Variants in CREB5 observed in about 807,000 individuals in gnomAD.
CREB5 encodes cAMP responsive element binding protein 5, also known as cyclic AMP-responsive element-binding protein 5.
CREB5 carries 19 observed loss-of-function variants against 57.1 expected under a neutral mutation model. The ratio of observed to expected loss-of-function variants is 0.33; its 90% CI spans 0.23 to 0.49. The LOEUF (loss-of-function observed/expected upper bound fraction) is 0.49, where lower values mean the gene tolerates loss of function less well. Ranked by LOEUF, CREB5 falls within the 20% of genes least tolerant of loss-of-function variation. The pLI, the probability that CREB5 is intolerant of heterozygous loss-of-function variation, is 0.99. For missense variants in CREB5, 579 were observed against 671.6 expected (o/e 0.86, Z 1.52); for synonymous variants, 238 against 238.3 (o/e 1.00, Z 0.01).
chr7:28,352,754 T>C (rs186842786), intron 1 of CREB5, among the ~76,000 whole-genome samples: 306 of 152,314 alleles, frequency 2.0e-3, no homozygotes, highest in African/African-American at 6.9e-3. Context: ...AAGGAATAGA[T>C]GTAGAGTAGG....
At chr7:28,659,218 C>T (rs1005216732) in intron 5 of CREB5, among the ~76,000 whole-genome samples, 1 of 151,778 alleles carries the variant, frequency 6.6e-6, no homozygotes, top group Non-Finnish European at 1.5e-5. Context: ...GCAATTATTT[C>T]GTATCTGGAA....
rs145785998 is a variant in CREB5 at position 28,326,170 on chromosome 7, T to C, written c.-25+26729T>C. 5.0e-3 allele frequency among the ~76,000 whole-genome samples: 677 copies of C among 136,256 alleles called. 6 individuals carry two copies. The highest frequency in any genetic ancestry group is 0.018 in the Middle Eastern group (5 of 276). The allele number at this position is 136,256 out of a possible 152,430, so 89.4% of individuals were successfully genotyped here. A position where few individuals can be genotyped will look rare whatever the true frequency, so the allele number is the denominator to read the frequency against. On this transcript the variant is annotated intron_variant, in intron 1 of 9. Coordinates refer to the CREB5 transcript ENST00000396299. Reference sequence around the variant, plus strand: ...CACACACATTATCTATCTATCTATCTATCTATCTATCTATCTATCTATCTA... The same window carrying C: ...CACACACATTATCTATCTATCTATCCATCTATCTATCTATCTATCTATCTA...
chr7:28,806,068 T>A (rs1033092644), intron 8 of CREB5, among the ~76,000 whole-genome samples: 1 of 152,224 alleles, frequency 6.6e-6, no homozygotes, highest in Non-Finnish European at 1.5e-5. Flanking sequence ...GTACTTAGTT[T>A]ATAAGGAAAC....
intron 7 of CREB5, among the ~76,000 whole-genome samples, chr7:28,784,547 T>C (rs1277523553): frequency 6.6e-6 from 1 of 151,814 alleles, no homozygotes; most frequent in African/African-American, 2.4e-5. Flanking sequence ...CAACATAGAG[T>C]TGAAGTGAGT....
intron 1 of CREB5, among the ~76,000 whole-genome samples, chr7:28,487,079 C>T (rs1017802804): frequency 6.6e-5 from 10 of 152,112 alleles, no homozygotes; most frequent in South Asian, 2.1e-4. Flanking sequence ...TGCCATGGTG[C>T]GATCTCAGCT....
intron 1 of CREB5, among the ~76,000 whole-genome samples, chr7:28,307,250 G>A (rs1403545403): frequency 6.6e-6 from 1 of 152,118 alleles, no homozygotes; most frequent in East Asian, 1.9e-4. Flanking sequence ...AATACCCCTG[G>A]TGGTACTACT....
intron 1 of CREB5, among the ~76,000 whole-genome samples, chr7:28,382,655 C>T (rs1489741509): frequency 2.0e-5 from 3 of 152,030 alleles, no homozygotes; most frequent in Non-Finnish European, 2.9e-5. Flanking sequence ...CCTGAAGTAT[C>T]GATCCGTCAG....
intron 1 of CREB5, among the ~76,000 whole-genome samples, chr7:28,474,085 T>C (rs992939783): frequency 1.2e-4 from 19 of 152,192 alleles, no homozygotes; most frequent in Non-Finnish European, 1.5e-4. Context: ...ATTCTCTCCC[T>C]CTGAGAAGTC....
At chr7:28,591,337 T>C (rs1242191333) in intron 5 of CREB5, among the ~76,000 whole-genome samples, 1 of 152,238 alleles carries the variant, frequency 6.6e-6, no homozygotes, top group African/African-American at 2.4e-5. Flanking sequence ...CTCATGTCCA[T>C]TGCCCTCCAT....
chr7:28,681,780 C>T (rs936587108), intron 5 of CREB5, among the ~76,000 whole-genome samples: 5 of 152,180 alleles, frequency 3.3e-5, no homozygotes, highest in African/African-American at 1.2e-4. Context: ...AAAGATAATG[C>T]CTGAGCTGAG....
intron 1 of CREB5, among the ~76,000 whole-genome samples, chr7:28,422,736 C>T (rs1418645086): frequency 2.0e-5 from 3 of 152,126 alleles, no homozygotes; most frequent in African/African-American, 4.8e-5. Context: ...TGAAAGTAAC[C>T]AGAGCTAATG....
At chr7:28,658,983 A>G (rs868296789) in intron 5 of CREB5, among the ~76,000 whole-genome samples, 31 of 131,206 alleles carry the variant, frequency 2.4e-4, no homozygotes, top group East Asian at 6.6e-4. Context: ...ATATATATGT[A>G]TATATAAGTC....
chr7:28,496,768 C>T (rs1388514058), intron 3 of CREB5, among the ~76,000 whole-genome samples: 1 of 150,908 alleles, frequency 6.6e-6, no homozygotes, highest in African/African-American at 2.5e-5. Context: ...TCACCCACCA[C>T]TCGCCACCTC....
chr7:28,377,108 G>A (rs942372162), intron 1 of CREB5, among the ~76,000 whole-genome samples: 1 of 152,054 alleles, frequency 6.6e-6, no homozygotes, highest in Non-Finnish European at 1.5e-5. Flanking sequence ...CTCTACAAGG[G>A]GTCTTCTTTC....
At chr7:28,709,964 T>C (rs985560824) in intron 5 of CREB5, among the ~76,000 whole-genome samples, 2 of 152,222 alleles carry the variant, frequency 1.3e-5, no homozygotes, top group African/African-American at 4.8e-5. Flanking sequence ...AGTACGACCT[T>C]ATTGCAGGGC....
chr7:28,730,469 G>A (rs964124638), intron 7 of CREB5, among the ~76,000 whole-genome samples: 1 of 152,138 alleles, frequency 6.6e-6, no homozygotes, highest in African/African-American at 2.4e-5. Context: ...ACAGGCATGA[G>A]CCACCACGCT....
intron 1 of CREB5, among the ~76,000 whole-genome samples, chr7:28,364,908 T>C (rs1786556899): frequency 6.6e-6 from 1 of 152,178 alleles, no homozygotes; most frequent in African/African-American, 2.4e-5. Context: ...ATAGCCCTCT[T>C]CTACTAGCCT....
At chr7:28,752,853 A>G (rs1181309272) in intron 7 of CREB5, among the ~76,000 whole-genome samples, 1 of 152,124 alleles carries the variant, frequency 6.6e-6, no homozygotes, top group African/African-American at 2.4e-5. Flanking sequence ...AAGAAGAAAT[A>G]GAGCTTAAAT....
chr7:28,658,892 C>T (rs1428704951), intron 5 of CREB5, among the ~76,000 whole-genome samples: 4 of 141,060 alleles, frequency 2.8e-5, no homozygotes, highest in Non-Finnish European at 6.1e-5. Context: ...CTCAGTGGTC[C>T]CTCTATTGAC....
Sources: allele counts gnomAD v4.1 joint callset (sites outside exome capture counted in the v4.1 genomes callset), GRCh38; gene constraint gnomAD v4.1.1; transcripts MANE v1.5; gene names NCBI Gene and HGNC (gene_info 2026-07-23, HGNC 2026-07-21).